VRK2: variants seen among roughly 807,000 people sequenced by gnomAD.
VRK2 encodes the protein serine/threonine-protein kinase VRK2.
VRK2 carries 60 observed loss-of-function variants against 57.6 expected under a neutral mutation model. The observed-to-expected ratio is 1.04, with a 90% CI of 0.85 to 1.29. The LOEUF (loss-of-function observed/expected upper bound fraction) is 1.29. Ranked by LOEUF, VRK2 falls within the 50% of genes most tolerant of loss-of-function variation. The pLI is 0.00. For synonymous variants in VRK2, 231 were observed against 199.2 expected, an observed-to-expected ratio of 1.16 and a Z score of -1.35; for missense variants, 705 against 588.1, an observed-to-expected ratio of 1.20 and a Z score of -2.06.
chr2:57,974,385 A>C (rs971425955), intron 1 of VRK2, among the ~76,000 whole-genome samples: 1 of 151,916 alleles, frequency 6.6e-6, no homozygotes, highest in African/African-American at 2.4e-5. Flanking sequence ...TAAAATACTC[A>C]CACTTTTAAA....
At chr2:58,099,341 C>G (rs768425386) in intron 7 of VRK2, among the ~76,000 whole-genome samples, 1 of 151,988 alleles carries the variant, frequency 6.6e-6, no homozygotes, top group Non-Finnish European at 1.5e-5. Context: ...TTCTAATTTC[C>G]TATAGCTCCT....
chr2:58,013,064 C>A (rs1673460841), intron 1 of VRK2, among the ~76,000 whole-genome samples: 1 of 152,074 alleles, frequency 6.6e-6, no homozygotes, highest in African/African-American at 2.4e-5. Context: ...ATATATTCTA[C>A]TTTCTATGTT....
chr2:58,089,758 T>C, intron 7 of VRK2, 35 bp downstream of exon 7: 1 of 1,444,102 alleles, frequency 6.9e-7, no homozygotes, highest in South Asian at 1.2e-5. Flanking sequence ...TAAAGGTCTT[T>C]AATGTATGAA....
intron 1 of VRK2, among the ~76,000 whole-genome samples, chr2:58,015,918 A>C (rs1673566368): frequency 6.6e-6 from 1 of 151,984 alleles, no homozygotes; most frequent in African/African-American, 2.4e-5. Flanking sequence ...TCTGAGGCAA[A>C]TTTGATTTTG....
At position 57,971,589 on chromosome 2, in the gene VRK2, T is replaced by C. The variant is rs139403770; in HGVS notation, c.-438-54076T>C. Among the ~76,000 whole-genome samples the C allele has an allele frequency of 1.2e-3, 182 of 152,016 alleles. 1 individual carries two copies. Among genetic ancestry groups the C allele is most frequent in the African/African-American group, 4.2e-3 (176 of 41,540 alleles). On this transcript the variant is annotated intron_variant, in intron 1 of 15. Transcript: ENST00000417641. ...ATTTATCTATTTATGTATTTATTTA[T>C]TTATTTTGAAAGAGTACTTTGTAGG...
At chr2:58,105,643 T>C (rs548085998) in intron 7 of VRK2, among the ~76,000 whole-genome samples, 3 of 152,026 alleles carry the variant, frequency 2.0e-5, no homozygotes, top group East Asian at 1.9e-4. Flanking sequence ...TATAGGCTTT[T>C]TTTTTTCAGT....
intron 8 of VRK2, among the ~76,000 whole-genome samples, chr2:58,131,334 G>T (rs1164318607): frequency 6.6e-6 from 1 of 150,786 alleles, no homozygotes; most frequent in Non-Finnish European, 1.5e-5. Flanking sequence ...AATGCTGCTA[G>T]TGTGAGTGGA....
intron 7 of VRK2, among the ~76,000 whole-genome samples, chr2:58,115,037 A>G (rs1422927300): frequency 6.6e-6 from 1 of 152,112 alleles, no homozygotes; most frequent in Non-Finnish European, 1.5e-5. Context: ...TGGAACACTG[A>G]GAAGTTATTT....
At chr2:57,968,457 T>C (rs1049091254) in intron 1 of VRK2, among the ~76,000 whole-genome samples, 1 of 152,006 alleles carries the variant, frequency 6.6e-6, no homozygotes, top group Non-Finnish European at 1.5e-5. Context: ...GATTCTTTAG[T>C]GTAAGGCTAG....
intron 12 of VRK2, among the ~76,000 whole-genome samples, chr2:58,148,119 C>A (rs1396773089): frequency 6.6e-6 from 1 of 151,798 alleles, no homozygotes; most frequent in Non-Finnish European, 1.5e-5. Context: ...ACAAATAGTT[C>A]TTGAAAGTAC....
intron 1 of VRK2, among the ~76,000 whole-genome samples, chr2:57,930,267 G>A (rs1206645916): frequency 1.3e-5 from 2 of 152,106 alleles, no homozygotes; most frequent in Admixed American, 1.3e-4. Flanking sequence ...TTCTCCTCTG[G>A]CTAGGGCTTG....
intron 2 of VRK2, among the ~76,000 whole-genome samples, chr2:58,062,273 C>G (rs1468388270): frequency 6.6e-6 from 1 of 152,000 alleles, no homozygotes; most frequent in African/African-American, 2.4e-5. Flanking sequence ...CCTGACTGCA[C>G]CACTCACCAG....
At chr2:57,942,538 CA>C (rs796135613) in intron 1 of VRK2, among the ~76,000 whole-genome samples, 22 of 149,342 alleles carry the variant, frequency 1.5e-4, no homozygotes, top group African/African-American at 3.7e-4. Flanking sequence ...CATTCCAAAA[CA>C]AAAAAAAAGG....
At chr2:58,058,056 G>A (rs764806722) in intron 2 of VRK2, among the ~76,000 whole-genome samples, 5 of 152,042 alleles carry the variant, frequency 3.3e-5, no homozygotes, top group African/African-American at 7.2e-5. Context: ...AAATATGAGA[G>A]GCAGTATTAT....
At chr2:58,075,066 G>A (rs1046465407) in intron 2 of VRK2, among the ~76,000 whole-genome samples, 2 of 151,924 alleles carry the variant, frequency 1.3e-5, no homozygotes, top group Non-Finnish European at 2.9e-5. Flanking sequence ...TTAAGTAGGC[G>A]CCGTTGTCTT....
intron 2 of VRK2, among the ~76,000 whole-genome samples, chr2:58,068,865 C>T (rs534082899): frequency 6.8e-6 from 1 of 146,924 alleles, no homozygotes; most frequent in South Asian, 2.2e-4. Flanking sequence ...GTTTCAAAAA[C>T]ATCATTTGAT....
At chr2:57,989,315 T>G (rs1672693413) in intron 1 of VRK2, among the ~76,000 whole-genome samples, 1 of 152,178 alleles carries the variant, frequency 6.6e-6, no homozygotes, top group Non-Finnish European at 1.5e-5. Flanking sequence ...AGTGATTGGG[T>G]GGTATTTTAT....
intron 1 of VRK2, among the ~76,000 whole-genome samples, chr2:58,011,181 T>C (rs1466814031): frequency 6.6e-6 from 1 of 152,218 alleles, no homozygotes; most frequent in African/African-American, 2.4e-5. Context: ...AGTCACTGAA[T>C]TTGCATTAAG....
chr2:57,949,191 T>C (rs1290034076), intron 1 of VRK2, among the ~76,000 whole-genome samples: 3 of 152,160 alleles, frequency 2.0e-5, no homozygotes, highest in Non-Finnish European at 4.4e-5. Context: ...CAAGAACAAT[T>C]TTCTGCAAAA....
Sources: allele counts gnomAD v4.1 joint callset (sites outside exome capture counted in the v4.1 genomes callset), GRCh38; gene constraint gnomAD v4.1.1; transcripts MANE v1.5; gene names NCBI Gene and HGNC (gene_info 2026-07-23, HGNC 2026-07-21).